Variants in ALDH1L1 observed in about 807,000 individuals in gnomAD.
ALDH1L1 encodes the protein cytosolic 10-formyltetrahydrofolate dehydrogenase.
Under a neutral mutation model 101.1 loss-of-function variants are expected in ALDH1L1, and 68 were observed. The ratio of observed to expected loss-of-function variants is 0.67; its 90% CI spans 0.55 to 0.82. ALDH1L1 has a LOEUF of 0.82. ALDH1L1 is among the 40% of genes least tolerant of loss of function. The pLI, the probability that ALDH1L1 is intolerant of heterozygous loss-of-function variation, is 0.00. For synonymous variants in ALDH1L1, 486 were observed against 470.8 expected (o/e 1.03, Z -0.42); for missense variants, 1,087 against 1,172.7 (o/e 0.93, Z 1.07).
intron 1 of ALDH1L1, among the ~76,000 whole-genome samples, chr3:126,188,792 G>A (rs577191031): frequency 1.6e-4 from 25 of 152,286 alleles, no homozygotes; most frequent in African/African-American, 5.1e-4. Context: ...GCACCAGGAA[G>A]ACTACTATTA....
At chr3:126,197,828 T>C (rs2081589617) in exon 1 of ALDH1L1, 1 of 152,122 alleles carries the variant, frequency 6.6e-6, no homozygotes. Context: ...TTCAGCCAAA[T>C]TAAATTTAAA....
At chr3:126,180,741 T>A, upstream of ALDH1L1, 5 of 1,419,432 alleles carry the variant, frequency 3.5e-6, no homozygotes, top group Non-Finnish European at 4.6e-6. Context: ...ATAAATGCCA[T>A]GTAAAAGCCA....
At position 126,103,591 on chromosome 3, in the gene ALDH1L1, C is replaced by T. The variant is rs1945752833; in HGVS notation, c.*200G>A. The T allele has an allele frequency of 6.6e-6, 4 of 604,618 alleles. No individual in the cohort carries two copies. Among genetic ancestry groups the T allele is most frequent in the Non-Finnish European group, 1.2e-5 (4 of 340,790 alleles). 37.5% of individuals were successfully genotyped at this position (604,618 alleles called of 1,614,324 possible). ...ACGGTCTCTCTTCAGAAGCTTTATTCTCCCTGGGAGGGGCACACCTCACCC... is the reference window on the plus strand; with the variant it reads ...ACGGTCTCTCTTCAGAAGCTTTATTTTCCCTGGGAGGGGCACACCTCACCC... On this transcript the variant is annotated 3_prime_UTR_variant, in exon 23 of 23. Coordinates refer to ENST00000393434, the MANE Select transcript of ALDH1L1 (RefSeq NM_012190.4).
intron 16 of ALDH1L1, among the ~76,000 whole-genome samples, chr3:126,119,713 C>T (rs1470937478): frequency 2.0e-5 from 3 of 152,104 alleles, no homozygotes; most frequent in East Asian, 1.9e-4. Flanking sequence ...GGGGAGAAAA[C>T]GTTTGCAAAA....
At chr3:126,169,029 C>T (rs80031052) in intron 1 of ALDH1L1, among the ~76,000 whole-genome samples, 16,593 of 152,070 alleles carry the variant, frequency 0.11, 973 homozygotes, top group Non-Finnish European at 0.13. Context: ...AACAAGCGCT[C>T]TCAAAGGCAG....
intron 5 of ALDH1L1, 79 bp downstream of exon 5, chr3:126,155,323 C>T: frequency 1.5e-6 from 2 of 1,323,732 alleles, no homozygotes; most frequent in Non-Finnish European, 2.1e-6. Context: ...TGGGCTGAAC[C>T]CCAGCCTCCT....
chr3:126,153,677 G>A (rs1559957105), intron 6 of ALDH1L1, 96 bp from the exon 7 acceptor site: 2 of 1,469,368 alleles, frequency 1.4e-6, no homozygotes. Context: ...AGAGGGAGAG[G>A]GGCCAGGGGT....
At chr3:126,145,928 C>T (rs1316308836) in intron 9 of ALDH1L1, among the ~76,000 whole-genome samples, 2 of 152,154 alleles carry the variant, frequency 1.3e-5, no homozygotes, top group Admixed American at 1.3e-4. Context: ...GTACACAAGG[C>T]ATGGCCTGGC....
In ALDH1L1 at chr3:126,154,589, T is replaced by C; in HGVS notation, c.685A>G (p.Lys229Glu). The change falls in exon 6 of 23, where the codon AAG becomes GAG. Residue 229 changes from lysine to glutamate, a missense_variant. Physicochemically the swap from Lys to Glu is moderately conservative, Grantham distance 56. Coordinates refer to ENST00000393434, the MANE Select transcript of ALDH1L1 (RefSeq NM_012190.4). ...AIHNWIRGND[K>E]VPGAWTEACE... ...GCCTCTGTCCAGGCTCCCGGCACCTTGTCGTTCCCGCGGATCCAGTTGTGA... is the reference window on the plus strand; with the variant it reads ...GCCTCTGTCCAGGCTCCCGGCACCTCGTCGTTCCCGCGGATCCAGTTGTGA... The C allele has an allele frequency of 6.2e-7, 1 of 1,614,184 alleles. No homozygotes were observed.
At chr3:126,168,217 A>C (rs895136144) in intron 1 of ALDH1L1, among the ~76,000 whole-genome samples, 1 of 152,182 alleles carries the variant, frequency 6.6e-6, no homozygotes, top group Non-Finnish European at 1.5e-5. Flanking sequence ...TAAACTCAAA[A>C]GAGTATTATA....
upstream of ALDH1L1, chr3:126,180,665 T>A: frequency 7.5e-7 from 1 of 1,329,312 alleles, no homozygotes. Flanking sequence ...GTCAGCCGAG[T>A]GGGGGCGGCG....
chr3:126,186,069 A>G (rs969885444), upstream of ALDH1L1, among the ~76,000 whole-genome samples: 2 of 152,166 alleles, frequency 1.3e-5, no homozygotes, highest in South Asian at 2.1e-4. Flanking sequence ...ATGGGGACAG[A>G]GTTTCAGTTG....
chr3:126,153,499 C>T lies in ALDH1L1; in HGVS notation c.803G>A (p.Arg268Gln), dbSNP rs764105754. The T allele has an allele frequency of 8.4e-5, 135 of 1,614,014 alleles. 1 individual carries two copies. Among genetic ancestry groups the T allele is most frequent in the East Asian group, 2.5e-4 (11 of 44,888 alleles). The change falls in exon 7 of 23, where the codon CGG (arginine) becomes CAG (glutamine). Residue 268 changes from arginine to glutamine, a missense_variant. Around this residue, in one of 2 missense-constraint regions of ALDH1L1, gnomAD observed 645 missense variants for 637.0 expected, o/e 1.01. Transcript: ENST00000393434. ...TCCTGCTTTGGTGACCACCCCTGGC[C>T]GATGGGCTCCTGGGATGGGCAAAGC... is the stretch of plus-strand genomic sequence containing the variant. ...GDALPIPGAH[R>Q]PGVVTKAGLI... is the part of the protein sequence containing the mutation.
At chr3:126,156,153 T>C (rs2080899557) in intron 4 of ALDH1L1, 1 of 152,262 alleles carries the variant, frequency 6.6e-6, no homozygotes. Context: ...GGACTTAGAA[T>C]GTGGCTGAGA....
At chr3:126,184,079 G>A (rs2081497411), upstream of ALDH1L1, among the ~76,000 whole-genome samples, 6 of 152,206 alleles carry the variant, frequency 3.9e-5, no homozygotes, top group South Asian at 1.2e-3. Flanking sequence ...ATGAAAGATG[G>A]TGGAAGTAAC....
At chr3:126,161,103 C>T (rs942769223) in intron 1 of ALDH1L1, 101 bp from the exon 2 acceptor site, 60 of 1,362,662 alleles carry the variant, frequency 4.4e-5, no homozygotes, top group Non-Finnish European at 5.3e-5. Flanking sequence ...GCCTGCTCTA[C>T]CCCAGTCCCC....
intron 12 of ALDH1L1, among the ~76,000 whole-genome samples, chr3:126,132,620 C>G (rs1177347043): frequency 6.6e-6 from 1 of 152,294 alleles, no homozygotes; most frequent in Admixed American, 6.5e-5. Context: ...TGTTTCTCCT[C>G]TTAGCCTTCT....
In ALDH1L1 at chr3:126,155,595, G is replaced by A. The variant is rs532805355; in HGVS notation, c.529-92C>T. 248 of 1,074,268 alleles carry A rather than the reference G, an allele frequency of 2.3e-4. No individual in the cohort carries two copies. The African/African-American group carries it at 3.5e-3, about 15-fold the overall frequency. The allele number at this position is 1,074,268 out of a possible 1,614,324, so 66.5% of individuals were successfully genotyped here. The stretch of plus-strand genomic sequence containing the variant: ...CACATTGAGCCTGGACCCTTCCCCA[G>A]ACTGACCAGACTTGCCTGGTACACA... On this transcript the variant is annotated intron_variant, in intron 4 of 22. Transcript: ENST00000393434.
chr3:126,103,846 C>T lies in ALDH1L1; in HGVS notation c.2654G>A (p.Gly885Glu). The change falls in exon 23 of 23, where the codon GGA (glycine) becomes GAA (glutamate). Residue 885 changes from glycine (G) to glutamate (E), a missense_variant and splice_region_variant. Physicochemically the swap from Gly to Glu is moderately conservative, Grantham distance 98 (BLOSUM62 -2). Transcript: ENST00000393434. ...CAGGTACTCGTTCAGAGCCGCCTCT[C>T]CTGTAAGACACCACAAAGGTCACAG... ...FKQSGFGKDL[G>E]EAALNEYLRV... The T allele has an allele frequency of 1.2e-6, 2 of 1,613,338 alleles. No individual in the cohort carries two copies. Among genetic ancestry groups the T allele is most frequent in the Non-Finnish European group, 8.5e-7 (1 of 1,179,696 alleles).
Sources: gnomAD v4.1 joint callset for allele counts (sites outside exome capture counted in the v4.1 genomes callset) on GRCh38, gnomAD v4.1.1 for gene constraint, gnomAD v4.1.1 regional missense constraint, MANE v1.5 for transcripts, NCBI Gene and HGNC (gene_info 2026-07-23, HGNC 2026-07-21) for gene names.